The following SCARF2 variants were observed in gnomAD, a reference collection of about 807,000 sequenced individuals.
SCARF2 encodes scavenger receptor class F member 2.
SCARF2 carries 39 observed loss-of-function variants against 73.4 expected under a neutral mutation model. The observed-to-expected ratio is 0.53, with a 90% CI of 0.41 to 0.69. The LOEUF is 0.69. Among genes scored for constraint, SCARF2 ranks in the 30% least tolerant of loss-of-function variants. The probability of loss-of-function intolerance (pLI) is 0.00; values close to 1 mark genes in which losing one functional copy is unlikely to be tolerated. For synonymous variants in SCARF2, 605 were observed against 590.0 expected, an observed-to-expected ratio of 1.03 and a Z score of -0.37; for missense variants, 1,148 against 1,303.5, an observed-to-expected ratio of 0.88 and a Z score of 1.84.
At position 20,425,617 on chromosome 22, in the gene SCARF2, C is replaced by T; in HGVS notation, c.2359G>A (p.Ala787Thr). Residue 787 changes from alanine to threonine, a missense_variant, in exon 11 of 11, where the codon GCC becomes ACC. Physicochemically the swap from Ala to Thr is moderately conservative, Grantham distance 58 (BLOSUM62 0). Around this residue, in one of 5 missense-constraint regions of SCARF2, gnomAD observed 169 missense variants for 136.9 expected, o/e 1.23. Coordinates refer to ENST00000622235, the MANE Select transcript of SCARF2 (RefSeq NM_182895.5). This position sits in a 1 kb window ranked among gnomAD's most constrained non-coding sequence, Gnocchi z 4.6. ...TCCCTGGGGCCCTGCGCGCCCAGGG[C>T]CACCTCGGCGCGGCCCAGGCTGCGA... ...KTRSLGRAEV[A>T]LGAQGPREKP... The T allele has an allele frequency of 7.6e-7, 1 of 1,321,708 alleles. No individual in the cohort carries two copies. Among genetic ancestry groups the T allele is most frequent in the Non-Finnish European group, 9.6e-7 (1 of 1,037,944 alleles). The allele number at this position is 1,321,708 out of a possible 1,614,324, so 81.9% of individuals were successfully genotyped here.
chr22:20,427,582 T>G (rs200291473), intron 9 of SCARF2, 32 bp from the exon 10 acceptor site: 1 of 1,610,218 alleles, frequency 6.2e-7, no homozygotes, highest in Non-Finnish European at 8.5e-7. Context: ...CTGCCAGGGG[T>G]CCACTCTGCC....
chr22:20,426,382 C>A, intron 10 of SCARF2, 100 bp from the exon 11 acceptor site: 1 of 1,333,892 alleles, frequency 7.5e-7, no homozygotes, highest in Non-Finnish European at 1.0e-6. Context: ...TACCCACGCC[C>A]TTGGCACTGT....
At chr22:20,436,074 G>C (rs556054197) in intron 1 of SCARF2, among the ~76,000 whole-genome samples, 3 of 152,254 alleles carry the variant, frequency 2.0e-5, no homozygotes, top group African/African-American at 4.8e-5. Flanking sequence ...AGCCCCATGA[G>C]GGGGTTGTGA....
chr22:20,429,253 G>A lies in SCARF2; in HGVS notation c.1512C>T (p.Leu504=). The A allele has an allele frequency of 6.2e-7, 1 of 1,613,900 alleles. No homozygotes were observed. The change falls in exon 9 of 11, where the codon CTC becomes CTT. Residue 504 remains leucine (L), a synonymous_variant. Transcript: ENST00000622235. This position sits in a 1 kb window ranked among gnomAD's most constrained non-coding sequence, Gnocchi z 5.2. ...RISMKLPRIP[L]RRQKLPKVVV... Reference sequence around the variant, plus strand: ...CGACTTTGGGTAGTTTCTGCCTCCGGAGCGGGATCCGGGGCAGCTTCATGC... The same window carrying A: ...CGACTTTGGGTAGTTTCTGCCTCCGAAGCGGGATCCGGGGCAGCTTCATGC...
At chr22:20,432,435 C>T (rs1280795933) in intron 1 of SCARF2, among the ~76,000 whole-genome samples, 1 of 152,136 alleles carries the variant, frequency 6.6e-6, no homozygotes, top group African/African-American at 2.4e-5. Context: ...GAGGACGGCA[C>T]TAGGACTAGC....
chr22:20,429,787 G>C lies in SCARF2; in HGVS notation c.1249C>G (p.Gln417Glu). Reference protein sequence around the residue: ...PPGLHGADCAQACSCHEDTCD... With the variant: ...PPGLHGADCAEACSCHEDTCD... The stretch of plus-strand genomic sequence containing the variant: ...GTGTCCTCGTGGCAGCTGCAGGCCT[G>C]AGCACAGTCCGCGCCGTGGAGTCCG... The change falls in exon 7 of 11, where the codon CAG becomes GAG. Residue 417 changes from glutamine (Q) to glutamate (E), a missense_variant. Gln to Glu is a conservative substitution (Grantham distance 29). Coordinates refer to ENST00000622235, the MANE Select transcript of SCARF2 (RefSeq NM_182895.5). This position sits in a 1 kb window ranked among gnomAD's most constrained non-coding sequence, Gnocchi z 5.2. The C allele has an allele frequency of 1.2e-6, 2 of 1,613,498 alleles. No homozygotes were observed. Among genetic ancestry groups the C allele is most frequent in the Non-Finnish European group, 1.7e-6 (2 of 1,179,920 alleles).
intron 9 of SCARF2, 132 bp from the exon 10 acceptor site, chr22:20,427,682 C>A (rs2052596087): frequency 1.0e-6 from 1 of 993,162 alleles, no homozygotes; most frequent in East Asian, 2.5e-5. Flanking sequence ...GGGGCACAGG[C>A]AACTCAACAG....
At position 20,429,879 on chromosome 22, in the gene SCARF2, A is replaced by T; in HGVS notation, c.1203-46T>A. ...GGCATGCCACAGCCGCCCCCCTAGG[A>T]TGCCCCCTACCCTCACCCCTCACCC... On this transcript the variant is annotated intron_variant, in intron 6 of 10. Coordinates refer to ENST00000622235, the MANE Select transcript of SCARF2 (RefSeq NM_182895.5). The surrounding 1 kb of genome is among the most constrained non-coding windows in gnomAD (Gnocchi z 5.2). 6.3e-7 allele frequency: 1 copy of T among 1,584,872 alleles called. No individual in the cohort carries two copies. Among genetic ancestry groups the T allele is most frequent in the Non-Finnish European group, 8.6e-7 (1 of 1,164,448 alleles).
chr22:20,436,531 G>A (rs1220595961), intron 1 of SCARF2, among the ~76,000 whole-genome samples: 3 of 151,816 alleles, frequency 2.0e-5, no homozygotes. Flanking sequence ...CGCGCCTCCG[G>A]ACCAGAGTTC....
At position 20,431,176 on chromosome 22, in the gene SCARF2, G is replaced by A; in HGVS notation, c.696C>T (p.Arg232=). 6.4e-7 allele frequency: 1 copy of A among 1,565,768 alleles called. No individual in the cohort carries two copies. Among genetic ancestry groups the A allele is most frequent in the Non-Finnish European group, 8.6e-7 (1 of 1,164,540 alleles). ...CEQQSGRCQC[R]ERTFGARCDR... ...CGCAGCGCGCGCCGAACGTACGCTCGCGGCACTGACAGCGGCCGCTCTGCT... is the reference window on the plus strand; with the variant it reads ...CGCAGCGCGCGCCGAACGTACGCTCACGGCACTGACAGCGGCCGCTCTGCT... The change falls in exon 4 of 11, where the codon CGC becomes CGT. Residue 232 remains arginine (R), a synonymous_variant. Transcript: ENST00000622235.
In SCARF2 at chr22:20,427,556, G is replaced by A. The variant is rs200142385; in HGVS notation, c.1541-6C>T. ...ATCCAGGTCGTGGTGGGCCACTGGG[G>A]AAGGATGAGGCAGAGCTGCCAGGGG... On this transcript the variant is annotated splice_polypyrimidine_tract_variant and splice_region_variant and intron_variant, in intron 9 of 10. Transcript: ENST00000622235. 2 of 1,612,498 alleles carry A rather than the reference G, an allele frequency of 1.2e-6. No homozygotes were observed. Among genetic ancestry groups the A allele is most frequent in the Non-Finnish European group, 1.7e-6 (2 of 1,179,942 alleles).
In SCARF2 at chr22:20,425,325, G is replaced by A; in HGVS notation, c.*50C>T. 1 of 1,314,818 alleles carries A rather than the reference G, an allele frequency of 7.6e-7. No homozygotes were observed. The allele number at this position is 1,314,818 out of a possible 1,614,324, so 81.4% of individuals were successfully genotyped here. ...GGTAGCGTGGGAGGTGTGGGGTGGC[G>A]GGCGGCGCTGCGAAGCTGAGGGAGC... On this transcript the variant is annotated 3_prime_UTR_variant, in exon 11 of 11. Coordinates refer to ENST00000622235, the MANE Select transcript of SCARF2 (RefSeq NM_182895.5). This position sits in a 1 kb window ranked among gnomAD's most constrained non-coding sequence, Gnocchi z 4.6.
chr22:20,429,534 A>G lies in SCARF2; in HGVS notation c.1424+2T>C. On this transcript the variant is annotated splice_donor_variant, in intron 8 of 10. Coordinates refer to ENST00000622235, the MANE Select transcript of SCARF2 (RefSeq NM_182895.5). LOFTEE classifies it high-confidence loss of function. This position sits in a 1 kb window ranked among gnomAD's most constrained non-coding sequence, Gnocchi z 5.2. ...CGAAAGCGGGGCAGTATCTGGGCTC[A>G]CCGGCGCGTAGGGTCCTTGCCGCGG... 3.1e-6 allele frequency: 5 copies of G among 1,612,474 alleles called. No homozygotes were observed. Among genetic ancestry groups the G allele is most frequent in the Non-Finnish European group, 4.2e-6 (5 of 1,179,642 alleles).
At chr22:20,434,481 C>G (rs1329508859) in intron 1 of SCARF2, among the ~76,000 whole-genome samples, 1 of 152,244 alleles carries the variant, frequency 6.6e-6, no homozygotes, top group Non-Finnish European at 1.5e-5. Context: ...CTAACCCCAG[C>G]AGAGCTAATG....
At position 20,437,562 on chromosome 22, in the gene SCARF2, C is replaced by A; in HGVS notation, c.173+20G>T. On this transcript the variant is annotated intron_variant, in intron 1 of 10. Transcript: ENST00000622235. ...CAGAGCGTCCCTCTCGCCCCCTCCC[C>A]CAGCCAGGCCGGCTCCTACCCGGGA... is the stretch of plus-strand genomic sequence containing the variant. 1.9e-6 allele frequency: 3 copies of A among 1,566,480 alleles called. No individual in the cohort carries two copies. In the South Asian group the frequency reaches 3.5e-5, roughly 18 times the overall value.
Position 20,429,408 on chromosome 22 carries a change from C to G in SCARF2, c.1425-68G>C. 1 of 1,554,860 alleles carries G rather than the reference C, an allele frequency of 6.4e-7. No homozygotes were observed. The highest frequency in any genetic ancestry group is 8.7e-7 in the Non-Finnish European group (1 of 1,150,934). Reference sequence around the variant, plus strand: ...GGCCCAGGGGCGATTAGATCTCGGCCGGAGCCAAGCACAGAAGGGGCGGGG... The same window carrying G: ...GGCCCAGGGGCGATTAGATCTCGGCGGGAGCCAAGCACAGAAGGGGCGGGG... On this transcript the variant is annotated intron_variant, in intron 8 of 10. Transcript: ENST00000622235. The surrounding 1 kb of genome is among the most constrained non-coding windows in gnomAD (Gnocchi z 5.2).
intron 10 of SCARF2, among the ~76,000 whole-genome samples, 181 bp from the exon 11 acceptor site, chr22:20,426,463 A>G (rs888470188): frequency 1.3e-5 from 2 of 152,240 alleles, no homozygotes; most frequent in African/African-American, 2.4e-5. Context: ...GCCTCAGGCT[A>G]TGCGGCTGAC....
chr22:20,434,136 G>A (rs912570143), intron 1 of SCARF2, among the ~76,000 whole-genome samples: 21 of 152,200 alleles, frequency 1.4e-4, no homozygotes, highest in African/African-American at 5.1e-4. Context: ...AGAGAGCCAA[G>A]ATGTTTTTTT....
At chr22:20,435,401 G>A (rs1477178) in intron 1 of SCARF2, among the ~76,000 whole-genome samples, 51,010 of 152,012 alleles carry the variant, frequency 0.34, 8,960 homozygotes, top group Non-Finnish European at 0.37. Flanking sequence ...CCCAGGGTGC[G>A]AAGTGTTTGC....
Sources: allele counts gnomAD v4.1 joint callset (sites outside exome capture counted in the v4.1 genomes callset), GRCh38; gene constraint gnomAD v4.1.1; regional missense constraint gnomAD v4.1.1; non-coding constraint Gnocchi (gnomAD v3.1); transcripts MANE v1.5; gene names NCBI Gene and HGNC (gene_info 2026-07-23, HGNC 2026-07-21).